The following FMNL1 variants were observed in gnomAD, a reference collection of about 807,000 sequenced individuals.
The protein encoded by FMNL1 is formin-like protein 1.
A neutral mutation model predicts 121.3 loss-of-function variants in FMNL1; 43 were observed. That is an observed-to-expected ratio of 0.35 (90% CI 0.28 to 0.46). The LOEUF is 0.46. Ranked by LOEUF, FMNL1 falls within the 20% of genes least tolerant of loss-of-function variation. The pLI is 1.00. For missense variants in FMNL1, 1,191 were observed against 1,482.4 expected, an observed-to-expected ratio of 0.80 and a Z score of 3.23; for synonymous variants, 613 against 613.5, an observed-to-expected ratio of 1.00 and a Z score of 0.01.
intron 20 of FMNL1, 23 bp downstream of exon 20, chr17:45,244,922 G>A (rs2143633403): frequency 6.2e-7 from 1 of 1,613,086 alleles, no homozygotes; most frequent in East Asian, 2.2e-5. Flanking sequence ...CCCTGGCTTG[G>A]GGACTGGGGC....
chr17:45,245,804 G>A (rs1029517462), intron 23 of FMNL1, 71 bp downstream of exon 23: 5 of 1,607,110 alleles, frequency 3.1e-6, no homozygotes, highest in Non-Finnish European at 4.3e-6. Flanking sequence ...GCGGAGGGGT[G>A]GGGCTGCTTC....
chr17:45,245,777 A>G lies in FMNL1; in HGVS notation c.2994+44A>G, dbSNP rs772394917. 15 of 1,591,394 alleles carry G rather than the reference A, an allele frequency of 9.4e-6. No homozygotes were observed. In the African/African-American group the frequency reaches 2.1e-4, roughly 22 times the overall value. ...GGCTGGGAGCCCTGTAGGGCACTGAAGCCTTTCTACTGGGCAGCGGAGGGG... is the reference window on the plus strand; with the variant it reads ...GGCTGGGAGCCCTGTAGGGCACTGAGGCCTTTCTACTGGGCAGCGGAGGGG... On this transcript the variant is annotated intron_variant, in intron 23 of 26. Coordinates refer to ENST00000331495, the MANE Select transcript of FMNL1 (RefSeq NM_005892.4).
intron 10 of FMNL1, 29 bp downstream of exon 10, chr17:45,238,667 C>T: frequency 6.2e-7 from 1 of 1,613,246 alleles, no homozygotes; most frequent in Non-Finnish European, 8.5e-7. Flanking sequence ...CAGCCTGAGG[C>T]CTGGGCCAGG....
Position 45,243,228 on chromosome 17 carries a change from G to A in FMNL1, c.2121G>A (p.Ala707=), listed in dbSNP as rs370338122. Reference sequence around the variant, plus strand: ...CAGCCCAGAAGGCCCCCAGCAAGGCGACACTCATTGAGGCCAACCGGGCCA... The same window carrying A: ...CAGCCCAGAAGGCCCCCAGCAAGGCAACACTCATTGAGGCCAACCGGGCCA... ...SKAAQKAPSK[A]TLIEANRAKN... Residue 707 remains alanine, a synonymous_variant, in exon 17 of 27, where the codon GCG becomes GCA. Transcript: ENST00000331495. The A allele has an allele frequency of 2.5e-5, 40 of 1,614,168 alleles. No individual in the cohort carries two copies. In the East Asian group the frequency reaches 7.4e-4, roughly 30 times the overall value.
intron 2 of FMNL1, 84 bp downstream of exon 2, chr17:45,230,771 G>C (rs1199909680): frequency 8.4e-6 from 12 of 1,422,176 alleles, no homozygotes; most frequent in Middle Eastern, 1.8e-4. Flanking sequence ...GGGGAGAGGG[G>C]CACCGCCATA....
intron 12 of FMNL1, 132 bp from the exon 13 acceptor site, chr17:45,240,997 C>G: frequency 8.6e-7 from 1 of 1,160,284 alleles, no homozygotes; most frequent in Non-Finnish European, 1.2e-6. Flanking sequence ...CTCGGCCCAC[C>G]CTTGGCACCT....
rs1371622664 is a variant in FMNL1, at chr17:45,243,977, A to C, written c.2400A>C (p.Thr800=). The C allele has an allele frequency of 2.5e-6, 4 of 1,612,522 alleles. No homozygotes were observed. The African/African-American group carries it at 5.3e-5, about 21-fold the overall frequency. Residue 800 remains threonine (T), a synonymous_variant, in exon 18 of 27, where the codon ACA becomes ACC. Coordinates refer to ENST00000331495, the MANE Select transcript of FMNL1 (RefSeq NM_005892.4). ...RIPRLPERMT[T]LTFLGNFPDT... ...CGCGCCTGCCGGAGCGCATGACCAC[A>C]CTCACCTTCCTGGGCAACTTCCCGG...
intron 11 of FMNL1, chr17:45,240,170 TG>T: frequency 5.2e-6 from 1 of 193,000 alleles, no homozygotes. Context: ...TGCCAGGGAC[TG>T]GGGGAGGAGA....
chr17:45,224,889 C>T (rs1015454314), intron 1 of FMNL1, among the ~76,000 whole-genome samples: 7 of 152,230 alleles, frequency 4.6e-5, no homozygotes, highest in Non-Finnish European at 1.0e-4. Flanking sequence ...GCCAGCGGGG[C>T]GCCAAGCTCT....
rs1203635338 is a variant in FMNL1 at position 45,243,798 on chromosome 17, C to T, written c.2221C>T (p.Leu741=). 6.2e-7 allele frequency: 1 copy of T among 1,610,182 alleles called. No homozygotes were observed. Among genetic ancestry groups the T allele is most frequent in the Non-Finnish European group, 8.5e-7 (1 of 1,177,042 alleles). Residue 741 remains leucine, a synonymous_variant, in exon 18 of 27, where the codon CTG becomes TTG. Transcript: ENST00000331495. ...CTCTCCTCCCTCTCACAGGTACGAC[C>T]TGCAGGCTCTGGGCCTGGACTTCCT... is the stretch of plus-strand genomic sequence containing the variant. The part of the protein sequence containing the change: ...RICQAIEAYD[L]QALGLDFLEL...
Position 45,241,944 on chromosome 17 carries a change from GC to G in FMNL1, c.1688del (p.Pro563HisfsTer57). ...CCCCGCAGGAAGCCCCGCCCTCTGCGCCCCCACAGGCCCCGCCTCTCCCTGG... is the reference window on the plus strand; with the variant it reads ...CCCCGCAGGAAGCCCCGCCCTCTGCGCCCCACAGGCCCCGCCTCTCCCTGG... Reference protein sequence around the residue: ...PSPQEAPPSAPPQAPPLPGSP... With the variant: ...PSPQEAPPSAXPQAPPLPGSP... On this transcript the variant is annotated frameshift_variant, in exon 15 of 27. Coordinates refer to ENST00000331495, the MANE Select transcript of FMNL1 (RefSeq NM_005892.4). LOFTEE classifies it high-confidence loss of function. This position sits in a 1 kb window ranked among gnomAD's most constrained non-coding sequence, Gnocchi z 7.0. 7.5e-7 allele frequency: 1 copy of G among 1,331,582 alleles called. No individual in the cohort carries two copies. Among genetic ancestry groups the G allele is most frequent in the Non-Finnish European group, 9.5e-7 (1 of 1,048,002 alleles). 82.5% of individuals were successfully genotyped at this position (1,331,582 alleles called of 1,614,324 possible). A position where few individuals can be genotyped will look rare whatever the true frequency, so the allele number is the denominator to read the frequency against.
Position 45,243,321 on chromosome 17 carries a change from G to A in FMNL1, c.2213+1G>A. The A allele has an allele frequency of 6.2e-7, 1 of 1,613,026 alleles. No homozygotes were observed. The highest frequency in any genetic ancestry group is 8.5e-7 in the Non-Finnish European group (1 of 1,179,774). ...AGCGCATCTGCCAAGCCATTGAGGC[G>A]TGAGTGTCCCTGTCCTGGGTTTGTG... On this transcript the variant is annotated splice_donor_variant, in intron 17 of 26. Coordinates refer to ENST00000331495, the MANE Select transcript of FMNL1 (RefSeq NM_005892.4). LOFTEE classifies it high-confidence loss of function.
intron 7 of FMNL1, among the ~76,000 whole-genome samples, chr17:45,236,772 G>A (rs895155766): frequency 8.5e-5 from 13 of 152,182 alleles, no homozygotes; most frequent in African/African-American, 3.1e-4. Flanking sequence ...ATCAGCCTGG[G>A]CAACATACTG....
At chr17:45,232,843 A>ATGTGTG in intron 3 of FMNL1, 1 of 519,782 alleles carries the variant, frequency 1.9e-6, no homozygotes, top group East Asian at 4.6e-5. Context: ...GAGAGAGAGA[A>ATGTGTG]TGTGTGTGTG....
chr17:45,245,186 G>A, intron 21 of FMNL1, 67 bp from the exon 22 acceptor site: 1 of 1,612,750 alleles, frequency 6.2e-7, no homozygotes, highest in Non-Finnish European at 8.5e-7. Context: ...GGGGGCCACA[G>A]TATATAATTG....
chr17:45,226,780 T>C (rs535959890), intron 1 of FMNL1, among the ~76,000 whole-genome samples: 50 of 152,242 alleles, frequency 3.3e-4, no homozygotes, highest in African/African-American at 1.1e-3. Flanking sequence ...CCTACCAGCC[T>C]GGATGATATA....
chr17:45,224,158 G>A (rs776930151), intron 1 of FMNL1, among the ~76,000 whole-genome samples: 6 of 152,122 alleles, frequency 3.9e-5, no homozygotes, highest in African/African-American at 1.2e-4. Flanking sequence ...CCTTCTTCCC[G>A]GGGTGGCTCA....
At chr17:45,224,923 A>G (rs995240022) in intron 1 of FMNL1, among the ~76,000 whole-genome samples, 3 of 152,212 alleles carry the variant, frequency 2.0e-5, no homozygotes, top group Non-Finnish European at 4.4e-5. Flanking sequence ...CCCATGCCCA[A>G]GGCTGGGTGT....
At position 45,237,475 on chromosome 17, in the gene FMNL1, C is replaced by A. The variant is rs2043576683; in HGVS notation, c.801-71C>A. Reference sequence around the variant, plus strand: ...TCTGCACCCACTATGCTCCTCCTAGCCAGGCCTGTGCCCACCCTTGCCGCG... The same window carrying A: ...TCTGCACCCACTATGCTCCTCCTAGACAGGCCTGTGCCCACCCTTGCCGCG... On this transcript the variant is annotated intron_variant, in intron 8 of 26. Transcript: ENST00000331495. This position sits in a 1 kb window ranked among gnomAD's most constrained non-coding sequence, Gnocchi z 4.4. 1.2e-6 allele frequency: 2 copies of A among 1,608,052 alleles called. No homozygotes were observed. Among genetic ancestry groups the A allele is most frequent in the Admixed American group, 3.3e-5 (2 of 59,988 alleles).
Sources: allele counts gnomAD v4.1 joint callset (sites outside exome capture counted in the v4.1 genomes callset), GRCh38; gene constraint gnomAD v4.1.1; non-coding constraint Gnocchi (gnomAD v3.1); transcripts MANE v1.5; gene names NCBI Gene and HGNC (gene_info 2026-07-23, HGNC 2026-07-21).